The following TRPM6 variants were observed in gnomAD, a reference collection of about 807,000 sequenced individuals.
The protein encoded by TRPM6 is channel kinase 2.
In TRPM6, 111 loss-of-function variants were observed where a neutral mutation model predicts 247.6. The ratio of observed to expected loss-of-function variants is 0.45; its 90% CI spans 0.38 to 0.52. The LOEUF is 0.52. Among genes scored for constraint, TRPM6 ranks in the 20% least tolerant of loss-of-function variants. TRPM6 has a pLI of 0.00. For missense variants in TRPM6, 2,126 were observed against 2,421.5 expected (o/e 0.88, Z 2.56); for synonymous variants, 892 against 853.8 (o/e 1.04, Z -0.78).
intron 9 of TRPM6, 110 bp from the exon 10 acceptor site, chr9:74,817,074 C>A: frequency 9.6e-7 from 1 of 1,036,348 alleles, no homozygotes; most frequent in South Asian, 1.3e-5. Flanking sequence ...GGAAAACATT[C>A]TTCTTTAAAA....
intron 21 of TRPM6, among the ~76,000 whole-genome samples, chr9:74,784,712 A>C (rs1827585696): frequency 1.3e-5 from 2 of 152,212 alleles, no homozygotes; most frequent in South Asian, 4.1e-4. Context: ...TGAGTGTCCC[A>C]ACAAACTAAC....
At chr9:74,775,551 A>G (rs1380152748) in intron 24 of TRPM6, among the ~76,000 whole-genome samples, 1 of 152,174 alleles carries the variant, frequency 6.6e-6, no homozygotes, top group East Asian at 1.9e-4. Context: ...TACACGTCAC[A>G]TGACCACTCT....
At chr9:74,739,246 T>A (rs754720774) in intron 35 of TRPM6, 121 bp downstream of exon 35, 8 of 997,942 alleles carry the variant, frequency 8.0e-6, no homozygotes, top group African/African-American at 1.6e-5. Flanking sequence ...GAAGGAAGAA[T>A]CCAAAAATAA....
rs1464876601 is a variant in TRPM6 at position 74,755,430 on chromosome 9, G to C, written c.4829C>G (p.Pro1610Arg). 3.1e-6 allele frequency: 5 copies of C among 1,614,110 alleles called. No individual in the cohort carries two copies. In the Admixed American group the frequency reaches 6.7e-5, roughly 22 times the overall value. The change falls in exon 28 of 39, where the codon CCA becomes CGA. Residue 1610 changes from proline (P) to arginine (R), a missense_variant. Physicochemically the swap from Pro to Arg is moderately radical, Grantham distance 103. Transcript: ENST00000360774. ...NACSQSDQLN[P>R]EPGENSISEE... is the part of the protein sequence containing the mutation. ...AGAGATGCTGTTTTCTCCTGGCTCT[G>C]GATTCAACTGGTCACTCTGAGAGCA...
At chr9:74,769,287 A>T (rs1349250507) in intron 25 of TRPM6, among the ~76,000 whole-genome samples, 1 of 152,092 alleles carries the variant, frequency 6.6e-6, no homozygotes, top group African/African-American at 2.4e-5. Context: ...CTGGGACTAC[A>T]GGCATGTGCC....
At chr9:74,882,883 T>C (rs1185600959) in intron 1 of TRPM6, among the ~76,000 whole-genome samples, 1 of 152,196 alleles carries the variant, frequency 6.6e-6, no homozygotes, top group Non-Finnish European at 1.5e-5. Flanking sequence ...AAATATATAA[T>C]GTAAAATTTA....
At chr9:74,852,487 C>T (rs1830362932) in intron 3 of TRPM6, among the ~76,000 whole-genome samples, 1 of 151,748 alleles carries the variant, frequency 6.6e-6, no homozygotes, top group African/African-American at 2.4e-5. Flanking sequence ...CCCTCTCCGT[C>T]TCCGTCTCCA....
In TRPM6 at chr9:74,723,530, C is replaced by T. The variant is rs916824996; in HGVS notation, c.*1083G>A. 6.7e-6 allele frequency: 1 copy of T among 149,842 alleles called. No homozygotes were observed. The highest frequency in any genetic ancestry group is 1.5e-5 in the Non-Finnish European group (1 of 67,704). 9.3% of individuals were successfully genotyped at this position (149,842 alleles called of 1,614,324 possible). On this transcript the variant is annotated 3_prime_UTR_variant, in exon 39 of 39. Transcript: ENST00000360774. ...AAAAAAAAAAAAAAAAGGCCAGGCG[C>T]AGTGGCTCACGCCTGTAATCCCAGC... is the stretch of plus-strand genomic sequence containing the variant.
At chr9:74,868,612 C>G (rs577127173) in intron 1 of TRPM6, among the ~76,000 whole-genome samples, 1 of 152,126 alleles carries the variant, frequency 6.6e-6, no homozygotes, top group African/African-American at 2.4e-5. Context: ...ATGTTACAAT[C>G]GTAGGCAACA....
At chr9:74,863,923 T>A (rs1248323284) in intron 1 of TRPM6, among the ~76,000 whole-genome samples, 3 of 151,404 alleles carry the variant, frequency 2.0e-5, no homozygotes, top group Non-Finnish European at 4.4e-5. Flanking sequence ...CAAGTTTGCA[T>A]GATTGGAGGT....
chr9:74,763,659 A>G (rs540701549), intron 25 of TRPM6, among the ~76,000 whole-genome samples: 1 of 152,262 alleles, frequency 6.6e-6, no homozygotes, highest in South Asian at 2.1e-4. Context: ...CTCTAACTCT[A>G]CTGTTCAAAC....
chr9:74,742,717 T>C (rs1054928374), intron 32 of TRPM6, 91 bp from the exon 33 acceptor site: 1 of 1,104,884 alleles, frequency 9.1e-7, no homozygotes. Context: ...CATATAATGC[T>C]ATTTAATTTC....
intron 31 of TRPM6, among the ~76,000 whole-genome samples, chr9:74,744,834 C>T (rs554372017): frequency 1.3e-5 from 2 of 152,120 alleles, no homozygotes; most frequent in African/African-American, 4.8e-5. Flanking sequence ...TGTTTTATAC[C>T]TCGCAGAGTA....
intron 1 of TRPM6, chr9:74,887,535 C>T: frequency 1.5e-6 from 2 of 1,320,834 alleles, no homozygotes; most frequent in Non-Finnish European, 2.1e-6. Context: ...CCCCCGACCC[C>T]CGCTAGGTTT....
intron 1 of TRPM6, among the ~76,000 whole-genome samples, chr9:74,870,601 T>C (rs1166292406): frequency 6.6e-6 from 1 of 152,176 alleles, no homozygotes; most frequent in African/African-American, 2.4e-5. Flanking sequence ...TAAAGTTTCA[T>C]GAACATTCCT....
At chr9:74,822,839 T>C (rs1829179185) in intron 7 of TRPM6, among the ~76,000 whole-genome samples, 1 of 152,090 alleles carries the variant, frequency 6.6e-6, no homozygotes, top group Non-Finnish European at 1.5e-5. Context: ...CTATGTATAT[T>C]TTTTAAAAAT....
intron 31 of TRPM6, among the ~76,000 whole-genome samples, chr9:74,746,906 T>C (rs913148883): frequency 6.6e-6 from 1 of 151,426 alleles, no homozygotes; most frequent in Non-Finnish European, 1.5e-5. Context: ...GGGAAGGAGA[T>C]TGTAAATGAC....
chr9:74,851,865 C>T (rs911938139), intron 3 of TRPM6, among the ~76,000 whole-genome samples: 10 of 150,840 alleles, frequency 6.6e-5, no homozygotes, highest in Non-Finnish European at 1.0e-4. Flanking sequence ...AGTCCAGGTG[C>T]GGTGGCTCCC....
chr9:74,833,089 T>C (rs1462747859), intron 6 of TRPM6, among the ~76,000 whole-genome samples: 1 of 152,018 alleles, frequency 6.6e-6, no homozygotes, highest in Non-Finnish European at 1.5e-5. Context: ...CCCATAATCA[T>C]GTCTGTATTA....
Sources: gnomAD v4.1 joint callset for allele counts (sites outside exome capture counted in the v4.1 genomes callset) on GRCh38, gnomAD v4.1.1 for gene constraint, MANE v1.5 for transcripts, NCBI Gene and HGNC (gene_info 2026-07-23, HGNC 2026-07-21) for gene names.